Variants in BMERB1 observed in about 807,000 individuals in gnomAD.
BMERB1 encodes bMERB domain-containing protein 1.
BMERB1 carries 12 observed loss-of-function variants against 23.6 expected under a neutral mutation model. The ratio of observed to expected loss-of-function variants is 0.51; its 90% CI spans 0.33 to 0.82. The LOEUF is 0.82. Among genes scored for constraint, BMERB1 ranks in the 40% least tolerant of loss-of-function variants. The pLI is 0.03. For missense variants in BMERB1, 247 were observed against 255.4 expected (o/e 0.97, Z 0.22); for synonymous variants, 122 against 96.6 (o/e 1.26, Z -1.54).
chr16:15,536,449 C>T (rs954494222), intron 2 of BMERB1: 2 of 152,410 alleles, frequency 1.3e-5, no homozygotes, highest in African/African-American at 4.8e-5. Flanking sequence ...CCTCTCCACC[C>T]TTCCCAGACC....
intron 5 of BMERB1, among the ~76,000 whole-genome samples, chr16:15,584,706 C>T (rs2031099115): frequency 1.3e-5 from 2 of 152,164 alleles, no homozygotes; most frequent in East Asian, 1.9e-4. Flanking sequence ...TTCTTTTTCT[C>T]ATCTCTGCCT....
intron 1 of BMERB1, among the ~76,000 whole-genome samples, chr16:15,438,287 A>G (rs562171363): frequency 2.0e-5 from 3 of 151,324 alleles, no homozygotes; most frequent in Non-Finnish European, 4.4e-5. Context: ...GGTTTTCACT[A>G]TGTTGGCCAG....
chr16:15,517,462 G>C (rs774084407), intron 2 of BMERB1, among the ~76,000 whole-genome samples: 10 of 152,092 alleles, frequency 6.6e-5, no homozygotes, highest in Non-Finnish European at 4.4e-5. Flanking sequence ...AGCGAGCTGA[G>C]ATTATACCAT....
chr16:15,532,833 C>G (rs915976352), intron 2 of BMERB1, among the ~76,000 whole-genome samples: 2 of 152,206 alleles, frequency 1.3e-5, no homozygotes, highest in Non-Finnish European at 2.9e-5. Flanking sequence ...GCGTGAGCCA[C>G]CGCGCCTGGC....
At chr16:15,573,315 A>G (rs1407714624) in intron 3 of BMERB1, among the ~76,000 whole-genome samples, 2 of 152,322 alleles carry the variant, frequency 1.3e-5, no homozygotes, top group African/African-American at 2.4e-5. Context: ...GGGAATTACA[A>G]TAGAGAAAGA....
chr16:15,526,346 A>C (rs2051904557), intron 2 of BMERB1, among the ~76,000 whole-genome samples: 1 of 152,198 alleles, frequency 6.6e-6, no homozygotes, highest in Non-Finnish European at 1.5e-5. Context: ...GATGTTGAGC[A>C]ACAGGTTTAT....
At chr16:15,506,592 T>G (rs1361390314) in intron 1 of BMERB1, among the ~76,000 whole-genome samples, 3 of 152,148 alleles carry the variant, frequency 2.0e-5, no homozygotes, top group Non-Finnish European at 4.4e-5. Flanking sequence ...GATCACTATA[T>G]GTGGACAATG....
chr16:15,499,107 C>T (rs1830705178), intron 1 of BMERB1, among the ~76,000 whole-genome samples: 1 of 152,194 alleles, frequency 6.6e-6, no homozygotes, highest in South Asian at 2.1e-4. Flanking sequence ...CAGGATTCCT[C>T]CCCAAATGGG....
At chr16:15,565,895 G>A (rs149469667) in intron 2 of BMERB1, among the ~76,000 whole-genome samples, 61 of 152,286 alleles carry the variant, frequency 4.0e-4, no homozygotes, top group Non-Finnish European at 7.1e-4. Context: ...GAGTGAATGT[G>A]AACCTGTGTA....
chr16:15,453,766 C>G (rs909892246), intron 1 of BMERB1, among the ~76,000 whole-genome samples: 2 of 151,780 alleles, frequency 1.3e-5, no homozygotes, highest in Admixed American at 6.6e-5. Flanking sequence ...CCCAGCTACA[C>G]GAGAGGCTGA....
At chr16:15,586,224 G>A (rs2031135503) in intron 5 of BMERB1, among the ~76,000 whole-genome samples, 2 of 152,276 alleles carry the variant, frequency 1.3e-5, no homozygotes, top group African/African-American at 4.8e-5. Context: ...TTATAAAACC[G>A]AGAGGATAGA....
intron 2 of BMERB1, among the ~76,000 whole-genome samples, chr16:15,543,850 T>A (rs1007446685): frequency 1.3e-5 from 2 of 152,100 alleles, no homozygotes; most frequent in Non-Finnish European, 2.9e-5. Context: ...AAATTTCAGT[T>A]GAATATGTTC....
chr16:15,466,730 G>A (rs941481981), intron 1 of BMERB1, among the ~76,000 whole-genome samples: 1 of 151,952 alleles, frequency 6.6e-6, no homozygotes, highest in African/African-American at 2.4e-5. Flanking sequence ...CTGTGTGTGT[G>A]TGTGTGTGTA....
At chr16:15,436,325 C>A (rs2050888025) in intron 1 of BMERB1, among the ~76,000 whole-genome samples, 1 of 144,484 alleles carries the variant, frequency 6.9e-6, no homozygotes, top group Non-Finnish European at 1.5e-5. Flanking sequence ...ATGACACAAT[C>A]TCGGCTCACT....
At chr16:15,579,236 G>T (rs555810759) in intron 3 of BMERB1, among the ~76,000 whole-genome samples, 220 of 152,298 alleles carry the variant, frequency 1.4e-3, no homozygotes, top group Non-Finnish European at 1.8e-3. Context: ...GTGAGCAGGG[G>T]TCCTGGTGAG....
intron 1 of BMERB1, among the ~76,000 whole-genome samples, chr16:15,463,637 C>A (rs1378562749): frequency 1.3e-5 from 2 of 152,116 alleles, no homozygotes; most frequent in African/African-American, 4.8e-5. Context: ...TCAGTGTAGC[C>A]TTAACAATGA....
chr16:15,561,187 G>C (rs984578395), intron 2 of BMERB1, among the ~76,000 whole-genome samples: 4 of 146,830 alleles, frequency 2.7e-5, no homozygotes, highest in African/African-American at 1.0e-4. Flanking sequence ...TTGATCTCTT[G>C]ACCTTGTGAC....
intron 2 of BMERB1, among the ~76,000 whole-genome samples, chr16:15,531,803 T>TG (rs2051970592): frequency 6.6e-6 from 1 of 152,210 alleles, no homozygotes; most frequent in Non-Finnish European, 1.5e-5. Flanking sequence ...GAGAAGGGCT[T>TG]GTCCCTATCA....
chr16:15,440,203 C>T (rs149164830), intron 1 of BMERB1, among the ~76,000 whole-genome samples: 11 of 134,898 alleles, frequency 8.2e-5, no homozygotes, highest in Non-Finnish European at 1.5e-4. Flanking sequence ...CGAGATTGGA[C>T]GGCTGCATTC....
Sources: gnomAD v4.1 joint callset for allele counts (sites outside exome capture counted in the v4.1 genomes callset) on GRCh38, gnomAD v4.1.1 for gene constraint, MANE v1.5 for transcripts, NCBI Gene and HGNC (gene_info 2026-07-23, HGNC 2026-07-21) for gene names.